The following ZNF521 variants were observed in gnomAD, a reference collection of about 807,000 sequenced individuals.
The protein encoded by ZNF521 is zinc finger protein 521.
Under a neutral mutation model 105.5 loss-of-function variants are expected in ZNF521, and 14 were observed. That is an observed-to-expected ratio of 0.13 (90% confidence interval 0.09 to 0.21). The LOEUF (loss-of-function observed/expected upper bound fraction) is 0.21, where lower values mean the gene tolerates loss of function less well. ZNF521 is among the 10% of genes least tolerant of loss of function. The pLI, the probability that ZNF521 is intolerant of heterozygous loss-of-function variation, is 1.00. For synonymous variants in ZNF521, 635 were observed against 606.0 expected (o/e 1.05, Z -0.70); for missense variants, 1,233 against 1,629.7 (o/e 0.76, Z 4.19).
intron 5 of ZNF521, among the ~76,000 whole-genome samples, chr18:25,149,407 T>C (rs911408864): frequency 6.6e-6 from 1 of 152,176 alleles, no homozygotes; most frequent in Non-Finnish European, 1.5e-5. Flanking sequence ...GTGGGGCCAA[T>C]ATATAAGGTT....
intron 3 of ZNF521, among the ~76,000 whole-genome samples, chr18:25,320,278 T>G (rs1449507762): frequency 6.6e-6 from 1 of 152,190 alleles, no homozygotes; most frequent in African/African-American, 2.4e-5. Flanking sequence ...GTTCAAGCAA[T>G]TCTCCTGCCT....
At chr18:25,109,104 C>T (rs962379443) in intron 5 of ZNF521, among the ~76,000 whole-genome samples, 2 of 152,024 alleles carry the variant, frequency 1.3e-5, no homozygotes, top group Non-Finnish European at 2.9e-5. Context: ...TTAACCCTCA[C>T]GCCCCCAACC....
intron 3 of ZNF521, among the ~76,000 whole-genome samples, chr18:25,297,100 TAG>T (rs1325843864): frequency 6.6e-6 from 1 of 151,538 alleles, no homozygotes; most frequent in Non-Finnish European, 1.5e-5. Context: ...CACATATATA[TAG>T]ACACATATAC....
At chr18:25,193,862 T>G (rs548099199) in intron 5 of ZNF521, among the ~76,000 whole-genome samples, 3 of 151,922 alleles carry the variant, frequency 2.0e-5, no homozygotes, top group African/African-American at 7.2e-5. Context: ...TTAGCTGTTA[T>G]GTATAAGTTC....
At position 25,242,262 on chromosome 18, in the gene ZNF521, C is replaced by G. The variant is rs973832049; in HGVS notation, c.221-14565G>C. Among the ~76,000 whole-genome samples the G allele has an allele frequency of 2.0e-5, 3 of 152,218 alleles. No individual in the cohort carries two copies. The South Asian group carries it at 6.2e-4, about 32-fold the overall frequency. Reference sequence around the variant, plus strand: ...CATCAACCAAATCCACATCCCCGATCTCTTCTGAGCAGGTTCTTTCAACAT... The same window carrying G: ...CATCAACCAAATCCACATCCCCGATGTCTTCTGAGCAGGTTCTTTCAACAT... On this transcript the variant is annotated intron_variant, in intron 3 of 7. Transcript: ENST00000361524.
At chr18:25,212,319 G>A (rs1452526170) in intron 4 of ZNF521, among the ~76,000 whole-genome samples, 14 of 151,026 alleles carry the variant, frequency 9.3e-5, no homozygotes, top group Admixed American at 9.2e-4. Flanking sequence ...AGACCAGCCT[G>A]GCCAACATAG....
intron 2 of ZNF521, among the ~76,000 whole-genome samples, chr18:25,325,150 T>G (rs1185536473): frequency 2.6e-5 from 4 of 152,186 alleles, no homozygotes; most frequent in Non-Finnish European, 5.9e-5. Context: ...TCTCAGTCTC[T>G]CTCCTTGTAA....
intron 7 of ZNF521, among the ~76,000 whole-genome samples, chr18:25,080,228 C>T (rs1293622598): frequency 6.6e-6 from 1 of 152,212 alleles, no homozygotes; most frequent in Non-Finnish European, 1.5e-5. Context: ...TGAAGGAGAC[C>T]TGTTATTTTA....
intron 7 of ZNF521, among the ~76,000 whole-genome samples, chr18:25,066,274 T>C (rs965606969): frequency 6.6e-6 from 1 of 152,152 alleles, no homozygotes; most frequent in African/African-American, 2.4e-5. Flanking sequence ...GGGCAATGGA[T>C]ATACTTGTGT....
At chr18:25,117,380 C>T (rs972277405) in intron 5 of ZNF521, among the ~76,000 whole-genome samples, 1 of 152,072 alleles carries the variant, frequency 6.6e-6, no homozygotes, top group Admixed American at 6.5e-5. Context: ...GTATCCACAA[C>T]ACAACACTTA....
intron 5 of ZNF521, among the ~76,000 whole-genome samples, chr18:25,193,038 T>G (rs1038606611): frequency 6.6e-6 from 1 of 152,138 alleles, no homozygotes; most frequent in African/African-American, 2.4e-5. Flanking sequence ...AGGAATGGAA[T>G]GTGCTTCTCT....
chr18:25,346,235 GTTTTT>G (rs1220598038), intron 2 of ZNF521, among the ~76,000 whole-genome samples: 1 of 149,752 alleles, frequency 6.7e-6, no homozygotes, highest in Non-Finnish European at 1.5e-5. Context: ...TACTGATGAG[GTTTTT>G]TTTTGTCTAA....
Position 25,322,067 on chromosome 18 carries a change from T to C in ZNF521, c.161A>G (p.Gln54Arg). ...EAVHSCDSCL[Q>R]VFESLSDITE... is the part of the protein sequence containing the mutation. ...GATATCGCTCAGCGATTCAAACACC[T>C]GGAGGCAGCTGTCACAGCTGTGCAC... The change falls in exon 3 of 8, where the codon CAG (glutamine) becomes CGG (arginine). Residue 54 changes from glutamine to arginine, a missense_variant. By Grantham distance (43) the Gln-to-Arg change is conservative (BLOSUM62 1). This residue lies in a region of ZNF521 where 76 missense variants were observed against 79.3 expected (regional missense o/e 0.96). Coordinates refer to ENST00000361524, the MANE Select transcript of ZNF521 (RefSeq NM_015461.3). 1.9e-6 allele frequency: 3 copies of C among 1,614,236 alleles called. No homozygotes were observed. Among genetic ancestry groups the C allele is most frequent in the South Asian group, 2.2e-5 (2 of 91,088 alleles).
intron 5 of ZNF521, among the ~76,000 whole-genome samples, chr18:25,116,962 T>TATAC (rs1567968679): frequency 2.9e-5 from 3 of 104,816 alleles, no homozygotes; most frequent in South Asian, 4.1e-4. Flanking sequence ...TATGTATATA[T>TATAC]GTATATATAT....
chr18:25,307,253 T>C (rs1346019748), intron 3 of ZNF521, among the ~76,000 whole-genome samples: 1 of 152,216 alleles, frequency 6.6e-6, no homozygotes, highest in Non-Finnish European at 1.5e-5. Flanking sequence ...CTCTGCAAAA[T>C]AGAATCTAAT....
chr18:25,099,496 T>C (rs1385932392), intron 5 of ZNF521, among the ~76,000 whole-genome samples: 1 of 152,160 alleles, frequency 6.6e-6, no homozygotes, highest in Non-Finnish European at 1.5e-5. Flanking sequence ...AACTTATCCC[T>C]TATTTCCAGA....
At chr18:25,082,841 CAAAAAAAA>C (rs59374351) in intron 7 of ZNF521, 4 of 73,480 alleles carry the variant, frequency 5.4e-5, no homozygotes, top group South Asian at 6.6e-4. Flanking sequence ...GACTCCGTCT[CAAAAAAAA>C]AAAAAAAAAA....
At position 25,135,312 on chromosome 18, in the gene ZNF521, A is replaced by G. The variant is rs76599748; in HGVS notation, c.3659-43231T>C. Among the ~76,000 whole-genome samples the G allele has an allele frequency of 2.7e-3, 313 of 117,560 alleles. 2 individuals carry two copies. The highest frequency in any genetic ancestry group is 0.011 in the African/African-American group (292 of 27,560). 77.1% of individuals were successfully genotyped at this position (117,560 alleles called of 152,430 possible). ...TGTGTGTGTGTGTGTGTGTGTGTGT[A>G]TGTCTTTGTTTTGTTTTAATGCAAC... On this transcript the variant is annotated intron_variant, in intron 5 of 7. Transcript: ENST00000361524.
At chr18:25,185,430 C>T (rs2035703811) in intron 5 of ZNF521, among the ~76,000 whole-genome samples, 1 of 151,980 alleles carries the variant, frequency 6.6e-6, no homozygotes, top group Non-Finnish European at 1.5e-5. Flanking sequence ...CTCAAGATGC[C>T]CTCTGTGTTG....
Sources: gnomAD v4.1 joint callset for allele counts (sites outside exome capture counted in the v4.1 genomes callset) on GRCh38, gnomAD v4.1.1 for gene constraint, gnomAD v4.1.1 regional missense constraint, MANE v1.5 for transcripts, NCBI Gene and HGNC (gene_info 2026-07-23, HGNC 2026-07-21) for gene names.